WDR7: variants seen among roughly 807,000 people sequenced by gnomAD.
The protein encoded by WDR7 is WD repeat domain 7.
In WDR7, 46 loss-of-function variants were observed where a neutral mutation model predicts 169.4. The ratio of observed to expected loss-of-function variants is 0.27; its 90% CI spans 0.21 to 0.35. The LOEUF is 0.35. WDR7 is among the 10% of genes least tolerant of loss of function. WDR7 has a pLI of 1.00. For synonymous variants in WDR7, 612 were observed against 666.8 expected (o/e 0.92, Z 1.27); for missense variants, 1,534 against 1,859.3 (o/e 0.83, Z 3.22).
intron 17 of WDR7, among the ~76,000 whole-genome samples, chr18:56,778,435 C>A (rs751665999): frequency 2.0e-5 from 3 of 151,864 alleles, no homozygotes; most frequent in Admixed American, 6.5e-5. Flanking sequence ...AAATATTATC[C>A]CTAGGAGGTA....
chr18:56,780,571 C>T (rs1367925695), intron 18 of WDR7, among the ~76,000 whole-genome samples: 6 of 152,060 alleles, frequency 3.9e-5, no homozygotes, highest in Admixed American at 2.6e-4. Context: ...GTAATCCCAA[C>T]GCTTTGGGAG....
Position 57,015,723 on chromosome 18 carries a change from G to A in WDR7, c.4165-5022G>A, listed in dbSNP as rs546560262. ...TGTTAACATGAGAGAGATGCCAAACGTACGATGAGTGCTGCAAGCACCCGC... is the reference window on the plus strand; with the variant it reads ...TGTTAACATGAGAGAGATGCCAAACATACGATGAGTGCTGCAAGCACCCGC... On this transcript the variant is annotated intron_variant, in intron 26 of 27. Transcript: ENST00000254442. 2.0e-4 allele frequency among the ~76,000 whole-genome samples: 30 copies of A among 152,324 alleles called. No individual in the cohort carries two copies. The South Asian group carries it at 6.0e-3, about 31-fold the overall frequency.
chr18:56,810,839 T>G (rs1267486817), intron 19 of WDR7, among the ~76,000 whole-genome samples: 1 of 152,174 alleles, frequency 6.6e-6, no homozygotes, highest in Admixed American at 6.6e-5. Context: ...TTCAGTGGTT[T>G]TTTAAGCTGA....
chr18:56,889,299 C>A (rs1056448943), intron 21 of WDR7, among the ~76,000 whole-genome samples: 1 of 152,190 alleles, frequency 6.6e-6, no homozygotes, highest in Non-Finnish European at 1.5e-5. Flanking sequence ...ATTTATTTAA[C>A]ACCTTTTTAA....
chr18:57,010,696 C>T (rs1221513930), intron 26 of WDR7, among the ~76,000 whole-genome samples: 1 of 151,972 alleles, frequency 6.6e-6, no homozygotes, highest in Non-Finnish European at 1.5e-5. Flanking sequence ...ATTGGATATT[C>T]TATTGTTACT....
chr18:56,799,829 T>C (rs1046709852), intron 19 of WDR7, among the ~76,000 whole-genome samples: 14 of 152,324 alleles, frequency 9.2e-5, no homozygotes, highest in Admixed American at 3.3e-4. Context: ...TTTAACCTCC[T>C]TTAAAGCATA....
chr18:56,744,410 T>G (rs2043672135), intron 14 of WDR7, among the ~76,000 whole-genome samples: 1 of 152,038 alleles, frequency 6.6e-6, no homozygotes, highest in Admixed American at 6.6e-5. Flanking sequence ...AAGGGAGTGA[T>G]CCTGAGTAGG....
At chr18:56,990,255 T>G (rs889442640) in intron 26 of WDR7, among the ~76,000 whole-genome samples, 1 of 152,136 alleles carries the variant, frequency 6.6e-6, no homozygotes, top group Non-Finnish European at 1.5e-5. Flanking sequence ...AGACCTGAAG[T>G]CCTTAGGTGA....
chr18:57,018,686 A>T (rs2048243365), intron 26 of WDR7, among the ~76,000 whole-genome samples: 1 of 152,216 alleles, frequency 6.6e-6, no homozygotes, highest in Admixed American at 6.5e-5. Flanking sequence ...CACATCTATT[A>T]TCTAATTTCA....
At chr18:56,842,286 G>A (rs1165633267) in intron 20 of WDR7, among the ~76,000 whole-genome samples, 1 of 150,714 alleles carries the variant, frequency 6.6e-6, no homozygotes, top group Non-Finnish European at 1.5e-5. Flanking sequence ...CATTCCTTCA[G>A]AAGGCGGAAG....
chr18:57,016,040 G>T (rs1007758364), intron 26 of WDR7, among the ~76,000 whole-genome samples: 2 of 152,166 alleles, frequency 1.3e-5, no homozygotes, highest in Non-Finnish European at 2.9e-5. Flanking sequence ...AATGCCTCAG[G>T]TGAAGGCATA....
chr18:57,009,923 C>T (rs1247529231), intron 26 of WDR7: 20 of 985,256 alleles, frequency 2.0e-5, no homozygotes, highest in Non-Finnish European at 2.4e-5. Flanking sequence ...AACCATCTTC[C>T]GTTAACCATA....
At chr18:57,026,832 G>T (rs1342626472) in intron 27 of WDR7, among the ~76,000 whole-genome samples, 172 bp from the exon 28 acceptor site, 1 of 152,090 alleles carries the variant, frequency 6.6e-6, no homozygotes, top group Non-Finnish European at 1.5e-5. Context: ...TAACAGCATC[G>T]GAACAATTCC....
intron 21 of WDR7, among the ~76,000 whole-genome samples, chr18:56,880,985 A>G (rs367866168): frequency 6.6e-6 from 1 of 152,216 alleles, no homozygotes; most frequent in African/African-American, 2.4e-5. Flanking sequence ...ATACATCACA[A>G]AATATTCTTG....
intron 26 of WDR7, among the ~76,000 whole-genome samples, chr18:56,988,439 G>A (rs2047757152): frequency 6.6e-6 from 1 of 152,068 alleles, no homozygotes; most frequent in Non-Finnish European, 1.5e-5. Flanking sequence ...GTTAGTTCAG[G>A]TCTCAGATTT....
At chr18:57,024,094 T>C (rs942657350) in intron 27 of WDR7, among the ~76,000 whole-genome samples, 6 of 152,204 alleles carry the variant, frequency 3.9e-5, no homozygotes, top group Non-Finnish European at 5.9e-5. Context: ...ACCAAAATTT[T>C]AACAGTGACT....
chr18:56,803,127 C>A (rs933394747), intron 19 of WDR7, among the ~76,000 whole-genome samples: 16 of 152,116 alleles, frequency 1.1e-4, no homozygotes, highest in African/African-American at 3.9e-4. Flanking sequence ...TGAGTTTCAT[C>A]CATCTTATTC....
chr18:56,885,826 CA>C (rs1191655744), intron 21 of WDR7, among the ~76,000 whole-genome samples: 106 of 76,544 alleles, frequency 1.4e-3, no homozygotes, highest in East Asian at 3.5e-3. Flanking sequence ...GACTCTGTCT[CA>C]AAAAAAAAAA....
intron 23 of WDR7, among the ~76,000 whole-genome samples, chr18:56,936,733 G>A (rs2046965880): frequency 6.6e-6 from 1 of 152,110 alleles, no homozygotes; most frequent in Non-Finnish European, 1.5e-5. Context: ...CGCTGGGAGG[G>A]GAGGAAAGAA....
Sources: gnomAD v4.1 joint callset for allele counts (sites outside exome capture counted in the v4.1 genomes callset) on GRCh38, gnomAD v4.1.1 for gene constraint, MANE v1.5 for transcripts, NCBI Gene and HGNC (gene_info 2026-07-23, HGNC 2026-07-21) for gene names.